The following ALK variants were observed in gnomAD, a reference collection of about 807,000 sequenced individuals.
ALK encodes the protein ALK tyrosine kinase receptor.
Under a neutral mutation model 163.1 loss-of-function variants are expected in ALK, and 74 were observed. That is an observed-to-expected ratio of 0.45 (90% CI 0.38 to 0.55). The LOEUF (loss-of-function observed/expected upper bound fraction) is 0.55, where lower values mean the gene tolerates loss of function less well. Ranked by LOEUF, ALK falls within the 20% of genes least tolerant of loss-of-function variation. The pLI is 0.00. For synonymous variants in ALK, 960 were observed against 843.2 expected (o/e 1.14, Z -2.40); for missense variants, 2,063 against 2,105.3 (o/e 0.98, Z 0.39).
intron 3 of ALK, among the ~76,000 whole-genome samples, chr2:29,535,812 T>G (rs1673236970): frequency 1.3e-5 from 2 of 152,176 alleles, no homozygotes; most frequent in South Asian, 4.1e-4. Flanking sequence ...ATTATTAATC[T>G]AAAGAAATTG....
chr2:29,347,183 G>T (rs1667973763), intron 5 of ALK, among the ~76,000 whole-genome samples: 1 of 152,162 alleles, frequency 6.6e-6, no homozygotes, highest in Non-Finnish European at 1.5e-5. Flanking sequence ...AAGAGGTAGA[G>T]AGGAACTAGA....
At chr2:29,267,781 G>A (rs1665258364) in intron 11 of ALK, among the ~76,000 whole-genome samples, 1 of 152,186 alleles carries the variant, frequency 6.6e-6, no homozygotes, top group African/African-American at 2.4e-5. Flanking sequence ...GCTGCAACAA[G>A]CAGAGAGCTA....
At chr2:29,760,705 A>T (rs1392411222) in intron 1 of ALK, among the ~76,000 whole-genome samples, 1 of 152,212 alleles carries the variant, frequency 6.6e-6, no homozygotes, top group Non-Finnish European at 1.5e-5. Context: ...GGGCTTACAG[A>T]CATTATTGTT....
At chr2:29,539,606 G>T (rs1172103177) in intron 3 of ALK, among the ~76,000 whole-genome samples, 1 of 93,450 alleles carries the variant, frequency 1.1e-5, no homozygotes, top group Non-Finnish European at 2.4e-5. Flanking sequence ...GTTCTCTTGA[G>T]CACAGGGTAG....
At chr2:29,315,521 G>A (rs1036469296) in intron 8 of ALK, among the ~76,000 whole-genome samples, 4 of 152,172 alleles carry the variant, frequency 2.6e-5, no homozygotes, top group Admixed American at 6.5e-5. Context: ...ATGAATTTCA[G>A]TCACAATTGG....
At chr2:29,389,968 G>A (rs1157199782) in intron 4 of ALK, among the ~76,000 whole-genome samples, 1 of 152,152 alleles carries the variant, frequency 6.6e-6, no homozygotes, top group African/African-American at 2.4e-5. Flanking sequence ...TCCAATGCAG[G>A]TCAGGCTTGG....
chr2:29,548,546 G>A lies in ALK; in HGVS notation c.953-16430C>T, dbSNP rs866219228. Among the ~76,000 whole-genome samples, 5 of 7,792 alleles carry A rather than the reference G, an allele frequency of 6.4e-4. No homozygotes were observed. In the Non-Finnish European group the frequency reaches 0.025, roughly 39 times the overall value. The allele number at this position is 7,792 out of a possible 152,430, so 5.1% of individuals were successfully genotyped here. A position where few individuals can be genotyped will look rare whatever the true frequency, so the allele number is the denominator to read the frequency against. ...TGCCAGTGCTGAACTGCCTGTCTCC[G>A]CTCTTCTTGTGGGAAACACACAGCA... On this transcript the variant is annotated intron_variant, in intron 3 of 28. Transcript: ENST00000389048.
intron 4 of ALK, among the ~76,000 whole-genome samples, chr2:29,468,813 C>A (rs990512373): frequency 7.5e-6 from 1 of 133,068 alleles, no homozygotes; most frequent in Non-Finnish European, 1.5e-5. Context: ...ATGATCACAC[C>A]ACTGCACTCT....
At chr2:29,264,483 G>T (rs1665163482) in intron 11 of ALK, among the ~76,000 whole-genome samples, 2 of 152,218 alleles carry the variant, frequency 1.3e-5, no homozygotes, top group South Asian at 2.1e-4. Flanking sequence ...ACTTTGAAAT[G>T]ATGCTGTCTA....
At chr2:29,305,489 C>T (rs1000106391) in intron 8 of ALK, among the ~76,000 whole-genome samples, 4 of 152,228 alleles carry the variant, frequency 2.6e-5, no homozygotes, top group East Asian at 3.9e-4. Context: ...TTAGACAGCA[C>T]TCACTGTATG....
chr2:29,384,765 G>A (rs189032091), intron 4 of ALK, among the ~76,000 whole-genome samples: 1 of 152,178 alleles, frequency 6.6e-6, no homozygotes, highest in African/African-American at 2.4e-5. Context: ...TTTTATTGAG[G>A]TATAATTGAT....
intron 9 of ALK, among the ~76,000 whole-genome samples, chr2:29,282,471 C>A (rs192627941): frequency 3.2e-4 from 48 of 152,282 alleles, no homozygotes; most frequent in African/African-American, 1.1e-3. Context: ...GAATGTGTGT[C>A]TTGGCTCTAG....
At chr2:29,413,020 G>A (rs1011852366) in intron 4 of ALK, among the ~76,000 whole-genome samples, 1 of 152,148 alleles carries the variant, frequency 6.6e-6, no homozygotes, top group East Asian at 1.9e-4. Context: ...CATGCTTGAC[G>A]GGCAAGCAAT....
chr2:29,817,226 G>GA (rs1664924243), intron 1 of ALK, among the ~76,000 whole-genome samples: 1 of 140,602 alleles, frequency 7.1e-6, no homozygotes, highest in East Asian at 2.5e-4. Context: ...GGGTGTGGGG[G>GA]ATGGGTGGGT....
intron 5 of ALK, among the ~76,000 whole-genome samples, chr2:29,366,513 A>G (rs982394810): frequency 6.6e-6 from 1 of 152,078 alleles, no homozygotes; most frequent in African/African-American, 2.4e-5. Context: ...GGTGGTCGAG[A>G]GGGTGTGGGC....
chr2:29,768,660 T>A (rs1280425501), intron 1 of ALK, among the ~76,000 whole-genome samples: 1 of 151,808 alleles, frequency 6.6e-6, no homozygotes, highest in Non-Finnish European at 1.5e-5. Context: ...ATATCTAAAC[T>A]ATAAGAGGAG....
intron 1 of ALK, among the ~76,000 whole-genome samples, chr2:29,915,371 C>T (rs1667809646): frequency 6.6e-6 from 1 of 152,204 alleles, no homozygotes; most frequent in African/African-American, 2.4e-5. Flanking sequence ...AGGCGCATGC[C>T]ACAATGCCTG....
At chr2:29,609,161 C>G (rs1199047466) in intron 3 of ALK, among the ~76,000 whole-genome samples, 1 of 152,078 alleles carries the variant, frequency 6.6e-6, no homozygotes, top group Non-Finnish European at 1.5e-5. Flanking sequence ...TGGCCTCAAA[C>G]AATCTGCCTG....
intron 3 of ALK, among the ~76,000 whole-genome samples, chr2:29,675,235 A>T (rs1317816848): frequency 1.3e-5 from 2 of 152,108 alleles, no homozygotes; most frequent in African/African-American, 2.4e-5. Flanking sequence ...TAACATTTTT[A>T]AAAATATACA....
Sources: allele counts gnomAD v4.1 joint callset (sites outside exome capture counted in the v4.1 genomes callset), GRCh38; gene constraint gnomAD v4.1.1; transcripts MANE v1.5; gene names NCBI Gene and HGNC (gene_info 2026-07-23, HGNC 2026-07-21).